Variants in GRM5 observed in about 807,000 individuals in gnomAD.
The protein encoded by GRM5 is metabotropic glutamate receptor 5.
In GRM5, 19 loss-of-function variants were observed where a neutral mutation model predicts 83.1. That is an observed-to-expected ratio of 0.23 (90% CI 0.16 to 0.34). GRM5 has a LOEUF of 0.34. Ranked by LOEUF, GRM5 falls within the 10% of genes least tolerant of loss-of-function variation. GRM5 has a pLI of 1.00. For missense variants in GRM5, 1,160 were observed against 1,588.3 expected (o/e 0.73, Z 4.58); for synonymous variants, 675 against 633.6 (o/e 1.07, Z -0.98).
chr11:89,039,903 T>C (rs1941488402), intron 2 of GRM5, among the ~76,000 whole-genome samples: 1 of 152,218 alleles, frequency 6.6e-6, no homozygotes, highest in Non-Finnish European at 1.5e-5. Context: ...TGTCCTCAAG[T>C]GATCCTCTGC....
chr11:88,683,066 A>G (rs1940534397), intron 3 of GRM5, among the ~76,000 whole-genome samples: 1 of 152,088 alleles, frequency 6.6e-6, no homozygotes. Context: ...CTTCCCTCCC[A>G]GCTTATATCA....
chr11:88,860,144 A>G (rs2135550041), intron 2 of GRM5, among the ~76,000 whole-genome samples: 1 of 152,248 alleles, frequency 6.6e-6, no homozygotes, highest in South Asian at 2.1e-4. Context: ...ATTTTTTAAA[A>G]TGGTTTGAGA....
intron 2 of GRM5, among the ~76,000 whole-genome samples, chr11:88,996,381 A>AATTCTGACACTATCT (rs1282881258): frequency 6.6e-6 from 1 of 152,226 alleles, no homozygotes; most frequent in Non-Finnish European, 1.5e-5. Flanking sequence ...AAGTTATAAC[A>AATTCTGACACTATCT]ATTCTGACAC....
At chr11:88,516,403 T>C (rs1262695612) in intron 9 of GRM5, among the ~76,000 whole-genome samples, 1 of 152,130 alleles carries the variant, frequency 6.6e-6, no homozygotes, top group African/African-American at 2.4e-5. Flanking sequence ...GCATCCAAGA[T>C]GGCAGTGCCC....
chr11:88,560,190 A>G (rs1368518524), intron 8 of GRM5, among the ~76,000 whole-genome samples: 7 of 152,190 alleles, frequency 4.6e-5, no homozygotes, highest in Non-Finnish European at 8.8e-5. Context: ...TTATGGCTCT[A>G]TCCTGTCCTA....
chr11:88,527,426 T>G (rs541495511), intron 8 of GRM5, among the ~76,000 whole-genome samples: 97 of 152,226 alleles, frequency 6.4e-4, no homozygotes, highest in Non-Finnish European at 1.2e-3. Context: ...GAATAGATCC[T>G]AAGCATCTTA....
chr11:88,621,569 G>T (rs1394868828), intron 4 of GRM5, among the ~76,000 whole-genome samples: 2 of 152,030 alleles, frequency 1.3e-5, no homozygotes, highest in Non-Finnish European at 2.9e-5. Flanking sequence ...AATTGTTATT[G>T]TACATCTAGT....
chr11:88,734,246 C>T (rs541484825), intron 3 of GRM5, among the ~76,000 whole-genome samples: 1 of 151,936 alleles, frequency 6.6e-6, no homozygotes, highest in East Asian at 1.9e-4. Flanking sequence ...AAGGACCCTC[C>T]ATATCACAAA....
At chr11:88,873,971 G>C (rs1944810163) in intron 2 of GRM5, among the ~76,000 whole-genome samples, 2 of 151,486 alleles carry the variant, frequency 1.3e-5, no homozygotes, top group Admixed American at 6.6e-5. Context: ...AGAAAACCTA[G>C]AATAAATGGA....
At chr11:88,970,095 A>G (rs1939120998) in intron 2 of GRM5, among the ~76,000 whole-genome samples, 1 of 152,150 alleles carries the variant, frequency 6.6e-6, no homozygotes, top group Admixed American at 6.6e-5. Flanking sequence ...GTGTACATAT[A>G]ATATACTATG....
chr11:88,585,504 G>T lies in GRM5; in HGVS notation c.1690+5097C>A, dbSNP rs376085703. On this transcript the variant is annotated intron_variant, in intron 7 of 9. Coordinates refer to ENST00000305447, the MANE Select transcript of GRM5 (RefSeq NM_001143831.3). The stretch of plus-strand genomic sequence containing the variant: ...CATAGTTTACCAGGCTCCCCAAAAG[G>T]TGGCCTTTGCTTTCTTGTCTCATTT... 8.5e-5 allele frequency among the ~76,000 whole-genome samples: 13 copies of T among 152,146 alleles called. No homozygotes were observed. In the East Asian group the frequency reaches 1.7e-3, roughly 20 times the overall value.
intron 3 of GRM5, among the ~76,000 whole-genome samples, chr11:88,699,519 C>T (rs977310767): frequency 6.6e-6 from 1 of 152,124 alleles, no homozygotes; most frequent in Non-Finnish European, 1.5e-5. Context: ...CTGGGCCTCT[C>T]CATCATCTTC....
chr11:88,686,343 A>T (rs1196607340), intron 3 of GRM5, among the ~76,000 whole-genome samples: 1 of 152,280 alleles, frequency 6.6e-6, no homozygotes, highest in East Asian at 1.9e-4. Flanking sequence ...CATGTACCCA[A>T]ATTGGAACCA....
intron 3 of GRM5, among the ~76,000 whole-genome samples, chr11:88,753,811 C>T (rs1942335833): frequency 6.6e-6 from 1 of 152,044 alleles, no homozygotes; most frequent in Non-Finnish European, 1.5e-5. Flanking sequence ...CTCACATTTC[C>T]ACATGGCTGA....
intron 2 of GRM5, among the ~76,000 whole-genome samples, chr11:88,950,351 AGT>A (rs55646353): frequency 0.072 from 10,612 of 147,400 alleles, 723 homozygotes; most frequent in African/African-American, 0.18. Flanking sequence ...TTGTGAGATA[AGT>A]GTGTGTGTGT....
intron 3 of GRM5, among the ~76,000 whole-genome samples, chr11:88,696,017 T>G (rs1305410411): frequency 6.6e-6 from 1 of 152,216 alleles, no homozygotes; most frequent in Non-Finnish European, 1.5e-5. Context: ...GAAGGCTTTC[T>G]GTATCCTGGA....
At chr11:88,584,558 T>G (rs1419422122) in intron 7 of GRM5, among the ~76,000 whole-genome samples, 1 of 152,134 alleles carries the variant, frequency 6.6e-6, no homozygotes, top group African/African-American at 2.4e-5. Context: ...TTCTCCTGCC[T>G]CAGACTCCTG....
intron 2 of GRM5, among the ~76,000 whole-genome samples, chr11:89,009,817 C>T (rs1273853571): frequency 2.2e-5 from 3 of 139,152 alleles, no homozygotes; most frequent in East Asian, 2.3e-4. Context: ...AGGAGAATGG[C>T]GTGAACCCGG....
intron 4 of GRM5, among the ~76,000 whole-genome samples, chr11:88,626,498 T>A (rs1938801337): frequency 6.6e-6 from 1 of 152,200 alleles, no homozygotes; most frequent in African/African-American, 2.4e-5. Context: ...TTTCTTAGAT[T>A]TACATTCTTT....
Sources: allele counts gnomAD v4.1 joint callset (sites outside exome capture counted in the v4.1 genomes callset), GRCh38; gene constraint gnomAD v4.1.1; transcripts MANE v1.5; gene names NCBI Gene and HGNC (gene_info 2026-07-23, HGNC 2026-07-21).